CEP41: variants seen among roughly 807,000 people sequenced by gnomAD.
CEP41 encodes the protein centrosomal protein 41.
A neutral mutation model predicts 44.3 loss-of-function variants in CEP41; 32 were observed. That is an observed-to-expected ratio of 0.72 (90% CI 0.54 to 0.97). The LOEUF (loss-of-function observed/expected upper bound fraction) is 0.97. Among genes scored for constraint, CEP41 ranks in the 50% least tolerant of loss-of-function variants. The pLI is 0.00. For missense variants in CEP41, 432 were observed against 455.2 expected, an observed-to-expected ratio of 0.95 and a Z score of 0.46; for synonymous variants, 151 against 168.5, an observed-to-expected ratio of 0.90 and a Z score of 0.80.
rs1490083848 is a variant in CEP41, at chr7:130,394,094, A to G, written c.*4797T>C. 8.8e-6 allele frequency: 4 copies of G among 453,996 alleles called. No individual in the cohort carries two copies. The highest frequency in any genetic ancestry group is 2.3e-5 in the Admixed American group (1 of 42,556). 28.1% of individuals were successfully genotyped at this position (453,996 alleles called of 1,614,324 possible). A position where few individuals can be genotyped will look rare whatever the true frequency, so the allele number is the denominator to read the frequency against. On this transcript the variant is annotated 3_prime_UTR_variant, in exon 11 of 11. Transcript: ENST00000223208. ...GGCTGACTAGGAGGGAAGGGAAGCC[A>G]ATAGCGAAGGGAAAGGTACATTTTC... is the stretch of plus-strand genomic sequence containing the variant.
chr7:130,434,581 GTGCTCTAGTCACA>G (rs1797908880), intron 1 of CEP41, among the ~76,000 whole-genome samples: 1 of 152,138 alleles, frequency 6.6e-6, no homozygotes, highest in South Asian at 2.1e-4. Flanking sequence ...TAGGTAAAAT[GTGCTCTAGTCACA>G]TGCTAGATTA....
At position 130,415,408 on chromosome 7, in the gene CEP41, C is replaced by T. The variant is rs1335890229; in HGVS notation, c.145+1511G>A. ...TGCCAAACCAGAATCTAAAGCAATT[C>T]TGTCAGGGAATCAGCACAAAGTGTG... On this transcript the variant is annotated intron_variant, in intron 3 of 10. Coordinates refer to ENST00000223208, the MANE Select transcript of CEP41 (RefSeq NM_018718.3). Among the ~76,000 whole-genome samples the T allele has an allele frequency of 2.0e-5, 3 of 152,288 alleles. No homozygotes were observed. The East Asian group carries it at 5.8e-4, about 29-fold the overall frequency.
intron 1 of CEP41, among the ~76,000 whole-genome samples, chr7:130,432,297 G>A (rs1797844888): frequency 6.6e-6 from 1 of 152,112 alleles, no homozygotes. Flanking sequence ...ACCGTTTCAA[G>A]AAATCTTTAA....
At chr7:130,440,837 C>T in intron 1 of CEP41, 97 bp downstream of exon 1, 2 of 1,392,080 alleles carry the variant, frequency 1.4e-6, no homozygotes, top group Non-Finnish European at 2.0e-6. Flanking sequence ...TCCCGCCTTC[C>T]GGGCGGCGGA....
chr7:130,406,502 T>C (rs2117582601), intron 5 of CEP41, among the ~76,000 whole-genome samples: 1 of 152,258 alleles, frequency 6.6e-6, no homozygotes, highest in Non-Finnish European at 1.5e-5. Flanking sequence ...GAGAATCACT[T>C]GAACCTGGGA....
At chr7:130,399,895 T>G in intron 10 of CEP41, 144 bp downstream of exon 10, 1 of 725,316 alleles carries the variant, frequency 1.4e-6, no homozygotes, top group Non-Finnish European at 2.5e-6. Context: ...TGGGGTCACC[T>G]CCACTGCCTC....
At position 130,400,201 on chromosome 7, in the gene CEP41, G is replaced by A; in HGVS notation, c.811C>T (p.Pro271Ser). Residue 271 changes from proline (P) to serine (S), a missense_variant, in exon 10 of 11, where the codon CCA (proline) becomes TCA (serine). Coordinates refer to ENST00000223208, the MANE Select transcript of CEP41 (RefSeq NM_018718.3). ...GGAAGGGCCTGCTGGCAAGATGCTG[G>A]CAGGGAACCAGTAATCAGTCCTTCC... ...FPEGLITGSL[P>S]ASCQQALPPG... 6.2e-7 allele frequency: 1 copy of A among 1,613,968 alleles called. No individual in the cohort carries two copies. Among genetic ancestry groups the A allele is most frequent in the Non-Finnish European group, 8.5e-7 (1 of 1,179,938 alleles).
chr7:130,398,247 C>T lies in CEP41; in HGVS notation c.*644G>A, dbSNP rs1554415696. 4.4e-6 allele frequency: 2 copies of T among 454,126 alleles called. No individual in the cohort carries two copies. The highest frequency in any genetic ancestry group is 1.4e-4 in the East Asian group (2 of 14,396). 28.1% of individuals were successfully genotyped at this position (454,126 alleles called of 1,614,324 possible). A position where few individuals can be genotyped will look rare whatever the true frequency, so the allele number is the denominator to read the frequency against. ...CCAGGAAATATCTAGTAAGGGGGAG[C>T]ATTCAGTGAGTGTACAGCTACTTTC... On this transcript the variant is annotated 3_prime_UTR_variant, in exon 11 of 11. Coordinates refer to ENST00000223208, the MANE Select transcript of CEP41 (RefSeq NM_018718.3).
At chr7:130,439,383 T>C (rs782188565) in intron 1 of CEP41, among the ~76,000 whole-genome samples, 3 of 151,994 alleles carry the variant, frequency 2.0e-5, no homozygotes, top group South Asian at 2.1e-4. Context: ...TAAAAAGTTG[T>C]ACATGGATTT....
At chr7:130,437,636 G>A (rs1025279999) in intron 1 of CEP41, among the ~76,000 whole-genome samples, 2 of 151,496 alleles carry the variant, frequency 1.3e-5, no homozygotes, top group African/African-American at 4.8e-5. Flanking sequence ...AGCTGGGCAC[G>A]ATGACACACA....
At chr7:130,422,600 C>T (rs1186269167) in intron 2 of CEP41, among the ~76,000 whole-genome samples, 1 of 152,074 alleles carries the variant, frequency 6.6e-6, no homozygotes. Context: ...CACAAAAATG[C>T]ACAGAAATAT....
chr7:130,407,762 A>G (rs1383274247), intron 5 of CEP41, among the ~76,000 whole-genome samples: 2 of 152,210 alleles, frequency 1.3e-5, no homozygotes, highest in Non-Finnish European at 2.9e-5. Flanking sequence ...ATTTACCAAC[A>G]CTGAATTTTA....
chr7:130,409,763 T>C (rs1022987452), intron 5 of CEP41, among the ~76,000 whole-genome samples: 1 of 152,204 alleles, frequency 6.6e-6, no homozygotes, highest in Non-Finnish European at 1.5e-5. Flanking sequence ...TAGGAGGTTT[T>C]ATTTTCAACT....
At chr7:130,401,097 C>A in intron 8 of CEP41, 1 of 413,678 alleles carries the variant, frequency 2.4e-6, no homozygotes, top group Non-Finnish European at 4.5e-6. Flanking sequence ...ATCCCTATGA[C>A]CCTGGAAAGT....
At chr7:130,400,659 A>G (rs781914170) in intron 9 of CEP41, 48 bp downstream of exon 9, 62 of 1,121,370 alleles carry the variant, frequency 5.5e-5, no homozygotes, top group Admixed American at 3.7e-5. Context: ...GGTGGGACTG[A>G]AGGATGATCA....
rs782654308 is a variant in CEP41 at position 130,400,061 on chromosome 7, C to A, written c.951G>T (p.Glu317Asp). 12 of 1,610,002 alleles carry A rather than the reference C, an allele frequency of 7.5e-6. No homozygotes were observed. In the East Asian group the frequency reaches 2.5e-4, roughly 33 times the overall value. ...TACTAGGATGATCTGCAGGCCCTTG[C>A]TCCTCTTCCAGATAATATTCTATCT... is the stretch of plus-strand genomic sequence containing the variant. ...LKKIEYYLEEEQGPADHPSRL... is the reference protein window; with the variant it reads ...LKKIEYYLEEDQGPADHPSRL... The change falls in exon 10 of 11, where the codon GAG (glutamate) becomes GAT (aspartate). Residue 317 changes from glutamate (E) to aspartate (D), a missense_variant. Transcript: ENST00000223208.
Position 130,395,826 on chromosome 7 carries a change from G to A in CEP41, c.*3065C>T. ...AATGTTATTTGGTCTCTTTTCATTC[G>A]GATTTATACCAAGCCCAATATGATC... On this transcript the variant is annotated 3_prime_UTR_variant, in exon 11 of 11. Coordinates refer to ENST00000223208, the MANE Select transcript of CEP41 (RefSeq NM_018718.3). 4.4e-6 allele frequency: 2 copies of A among 452,320 alleles called. No individual in the cohort carries two copies. Among genetic ancestry groups the A allele is most frequent in the Non-Finnish European group, 8.8e-6 (2 of 226,568 alleles). 28.0% of individuals were successfully genotyped at this position (452,320 alleles called of 1,614,324 possible).
chr7:130,394,122 G>A lies in CEP41; in HGVS notation c.*4769C>T, dbSNP rs965337048. 4.8e-5 allele frequency: 22 copies of A among 453,952 alleles called. No homozygotes were observed. Among genetic ancestry groups the A allele is most frequent in the Admixed American group, 1.6e-4 (7 of 42,558 alleles). The allele number at this position is 453,952 out of a possible 1,614,324, so 28.1% of individuals were successfully genotyped here. Reference sequence around the variant, plus strand: ...AGCGAAGGGAAAGGTACATTTTCACGGTAAGTTAGAGGCATCACCAAAGGA... The same window carrying A: ...AGCGAAGGGAAAGGTACATTTTCACAGTAAGTTAGAGGCATCACCAAAGGA... On this transcript the variant is annotated 3_prime_UTR_variant, in exon 11 of 11. Coordinates refer to ENST00000223208, the MANE Select transcript of CEP41 (RefSeq NM_018718.3).
intron 1 of CEP41, among the ~76,000 whole-genome samples, chr7:130,433,626 C>G (rs1797885309): frequency 6.6e-6 from 1 of 152,148 alleles, no homozygotes; most frequent in Non-Finnish European, 1.5e-5. Context: ...AAATGTCCTC[C>G]CTGTCTACCC....
Sources: allele counts gnomAD v4.1 joint callset (sites outside exome capture counted in the v4.1 genomes callset), GRCh38; gene constraint gnomAD v4.1.1; transcripts MANE v1.5; gene names NCBI Gene and HGNC (gene_info 2026-07-23, HGNC 2026-07-21).